The following FARS2 variants were observed in gnomAD, a reference collection of about 807,000 sequenced individuals.
FARS2 encodes phenylalanine--tRNA ligase, mitochondrial.
FARS2 carries 40 observed loss-of-function variants against 46.4 expected under a neutral mutation model. That is an observed-to-expected ratio of 0.86 (90% CI 0.67 to 1.12). The LOEUF is 1.12. FARS2 is among the 50% of genes most tolerant of loss of function. FARS2 has a pLI of 0.00. For missense variants in FARS2, 513 were observed against 567.9 expected (o/e 0.90, Z 0.98); for synonymous variants, 234 against 214.9 (o/e 1.09, Z -0.78).
At chr6:5,641,094 C>CA (rs1247639055) in intron 6 of FARS2, among the ~76,000 whole-genome samples, 1 of 152,130 alleles carries the variant, frequency 6.6e-6, no homozygotes, top group Non-Finnish European at 1.5e-5. Context: ...GTGAGAATAG[C>CA]AAACAGTTGT....
At chr6:5,292,319 A>G (rs1404477916) in intron 1 of FARS2, among the ~76,000 whole-genome samples, 1 of 152,254 alleles carries the variant, frequency 6.6e-6, no homozygotes, top group Non-Finnish European at 1.5e-5. Flanking sequence ...TCATTTTGAC[A>G]GCAGCCTGGA....
At chr6:5,541,361 CT>C (rs1489456264) in intron 4 of FARS2, among the ~76,000 whole-genome samples, 1 of 152,140 alleles carries the variant, frequency 6.6e-6, no homozygotes, top group Non-Finnish European at 1.5e-5. Flanking sequence ...AGAATTCATA[CT>C]TTTAAAACAT....
chr6:5,535,016 C>T (rs529491586), intron 4 of FARS2, among the ~76,000 whole-genome samples: 1 of 152,306 alleles, frequency 6.6e-6, no homozygotes, highest in South Asian at 2.1e-4. Context: ...TCTCCACATC[C>T]TTCTCAACAC....
chr6:5,713,246 C>A (rs1582815928), intron 6 of FARS2, among the ~76,000 whole-genome samples: 1 of 152,178 alleles, frequency 6.6e-6, no homozygotes, highest in Admixed American at 6.5e-5. Context: ...GAGGTGGTAG[C>A]GTTTTGGTTG....
chr6:5,553,011 G>C (rs539564224), intron 5 of FARS2, among the ~76,000 whole-genome samples: 1 of 152,128 alleles, frequency 6.6e-6, no homozygotes, highest in Non-Finnish European at 1.5e-5. Flanking sequence ...TACACAGAGC[G>C]ATACTTATTG....
Position 5,368,707 on chromosome 6 carries a change from C to G in FARS2, c.137C>G (p.Ala46Gly). ...GCAGCAGAGTGTGCCACCCAAAGAGCTCCAGGCAGTGTGGTGGAGCTGCTG... is the reference window on the plus strand; with the variant it reads ...GCAGCAGAGTGTGCCACCCAAAGAGGTCCAGGCAGTGTGGTGGAGCTGCTG... Reference protein sequence around the residue: ...PPAAECATQRAPGSVVELLGK... With the variant: ...PPAAECATQRGPGSVVELLGK... The change falls in exon 2 of 7, where the codon GCT becomes GGT. Residue 46 changes from alanine (A) to glycine (G), a missense_variant. Transcript: ENST00000274680. The G allele has an allele frequency of 6.2e-7, 1 of 1,614,194 alleles. No individual in the cohort carries two copies. Among genetic ancestry groups the G allele is most frequent in the Non-Finnish European group, 8.5e-7 (1 of 1,180,038 alleles).
intron 1 of FARS2, among the ~76,000 whole-genome samples, chr6:5,334,326 G>T (rs534402600): frequency 6.6e-6 from 1 of 152,160 alleles, no homozygotes; most frequent in Non-Finnish European, 1.5e-5. Context: ...GGCCCTATCT[G>T]TTAAAATGTA....
chr6:5,487,287 C>T (rs184468910), intron 4 of FARS2, among the ~76,000 whole-genome samples: 164 of 152,236 alleles, frequency 1.1e-3, no homozygotes, highest in Non-Finnish European at 1.9e-3. Flanking sequence ...CTTGTGGAGG[C>T]GAGCTAAACT....
At chr6:5,726,978 T>C (rs1358327721) in intron 6 of FARS2, among the ~76,000 whole-genome samples, 1 of 152,194 alleles carries the variant, frequency 6.6e-6, no homozygotes, top group African/African-American at 2.4e-5. Flanking sequence ...ACAAGCACAG[T>C]TCAAATACCT....
chr6:5,665,130 G>A (rs1313107900), intron 6 of FARS2: 2 of 152,224 alleles, frequency 1.3e-5, no homozygotes, highest in African/African-American at 4.8e-5. Context: ...TGTTTAAGTA[G>A]AGCTGGGCGG....
At chr6:5,769,347 A>G (rs1239117170) in intron 6 of FARS2, among the ~76,000 whole-genome samples, 1 of 152,200 alleles carries the variant, frequency 6.6e-6, no homozygotes, top group African/African-American at 2.4e-5. Context: ...GGTCTTGGCT[A>G]TGTAGTTTCA....
At chr6:5,713,724 G>T (rs1759321289) in intron 6 of FARS2, among the ~76,000 whole-genome samples, 3 of 152,194 alleles carry the variant, frequency 2.0e-5, no homozygotes, top group Non-Finnish European at 4.4e-5. Flanking sequence ...CTTTCAAAGG[G>T]GCTTTTGCAT....
chr6:5,435,635 C>T (rs891171514), intron 4 of FARS2, among the ~76,000 whole-genome samples: 15 of 152,092 alleles, frequency 9.9e-5, no homozygotes, highest in Admixed American at 5.2e-4. Flanking sequence ...AGTCACGTCC[C>T]CAAATACTAC....
At chr6:5,671,627 C>A (rs1351100119) in intron 6 of FARS2, among the ~76,000 whole-genome samples, 1 of 152,176 alleles carries the variant, frequency 6.6e-6, no homozygotes, top group Non-Finnish European at 1.5e-5. Context: ...GCCTGGAAGA[C>A]TTAGCTCTGG....
intron 4 of FARS2, among the ~76,000 whole-genome samples, chr6:5,460,089 C>A (rs1014434077): frequency 2.0e-5 from 3 of 152,196 alleles, no homozygotes; most frequent in African/African-American, 7.2e-5. Flanking sequence ...CTGATGCTAT[C>A]CACAGGTAAA....
At chr6:5,410,745 A>G (rs1466514053) in intron 3 of FARS2, among the ~76,000 whole-genome samples, 1 of 152,190 alleles carries the variant, frequency 6.6e-6, no homozygotes, top group Non-Finnish European at 1.5e-5. Flanking sequence ...GGGTGTTACA[A>G]TCTCTGTTTT....
chr6:5,747,811 T>G (rs964344007), intron 6 of FARS2, among the ~76,000 whole-genome samples: 1 of 152,226 alleles, frequency 6.6e-6, no homozygotes, highest in African/African-American at 2.4e-5. Flanking sequence ...AATCTTTTCC[T>G]ATTGATTGCT....
rs373584653 is a variant in FARS2, at chr6:5,725,771, A to G, written c.1218-45520A>G. Reference sequence around the variant, plus strand: ...GCCAACATGGCGAAACCCCGTGTCTACTAAAAATACAAAAATTAGCTGGGC... The same window carrying G: ...GCCAACATGGCGAAACCCCGTGTCTGCTAAAAATACAAAAATTAGCTGGGC... On this transcript the variant is annotated intron_variant, in intron 6 of 6. Transcript: ENST00000274680. Among the ~76,000 whole-genome samples the G allele has an allele frequency of 2.9e-3, 445 of 152,306 alleles. 4 individuals carry two copies. The South Asian group carries it at 0.037, about 13-fold the overall frequency.
chr6:5,592,672 C>A (rs981818061), intron 5 of FARS2, among the ~76,000 whole-genome samples: 1 of 152,138 alleles, frequency 6.6e-6, no homozygotes, highest in Non-Finnish European at 1.5e-5. Context: ...TGGAGAGATC[C>A]CGTATTTCAA....
Sources: allele counts gnomAD v4.1 joint callset (sites outside exome capture counted in the v4.1 genomes callset), GRCh38; gene constraint gnomAD v4.1.1; transcripts MANE v1.5; gene names NCBI Gene and HGNC (gene_info 2026-07-23, HGNC 2026-07-21).